The following SPMIP2 variants were observed in gnomAD, a reference collection of about 807,000 sequenced individuals.
SPMIP2 encodes protein SPMIP2.
chr4:158,899,787 C>A, the SPMIP2 span, among the ~76,000 whole-genome samples: 3 of 151,866 alleles, frequency 2.0e-5, no homozygotes, highest in African/African-American at 4.8e-5. Context: ...TTGATCTTTT[C>A]AAAAAACCAG....
At chr4:159,050,932 C>T in the SPMIP2 span, among the ~76,000 whole-genome samples, 1 of 151,936 alleles carries the variant, frequency 6.6e-6, no homozygotes, top group East Asian at 1.9e-4. Context: ...CATGGTGAAA[C>T]CCCATCTCTA....
At chr4:158,934,963 G>C in the SPMIP2 span, among the ~76,000 whole-genome samples, 8 of 151,992 alleles carry the variant, frequency 5.3e-5, no homozygotes, top group Non-Finnish European at 1.0e-4. Flanking sequence ...TTATATATCA[G>C]GTATTCTTTC....
the SPMIP2 span, among the ~76,000 whole-genome samples, chr4:159,078,565 A>G: frequency 6.6e-6 from 1 of 152,200 alleles, no homozygotes; most frequent in East Asian, 1.9e-4. Context: ...TAGGCTGAAT[A>G]AATTTGAGAG....
the SPMIP2 span, among the ~76,000 whole-genome samples, chr4:158,992,640 G>A: frequency 2.6e-5 from 4 of 152,208 alleles, no homozygotes; most frequent in Admixed American, 1.3e-4. Context: ...ATACAGTTAT[G>A]AAGGCTGGGA....
At chr4:159,013,118 AC>A in the SPMIP2 span, among the ~76,000 whole-genome samples, 3 of 152,174 alleles carry the variant, frequency 2.0e-5, no homozygotes, top group Admixed American at 2.0e-4. Context: ...TGAAATGGGA[AC>A]CCTGTATGTT....
At chr4:158,997,905 C>A in the SPMIP2 span, among the ~76,000 whole-genome samples, 1 of 152,184 alleles carries the variant, frequency 6.6e-6, no homozygotes, top group Non-Finnish European at 1.5e-5. Context: ...GATCCTCCCA[C>A]ATCGGCCTCC....
the SPMIP2 span, among the ~76,000 whole-genome samples, chr4:158,993,989 C>T: frequency 5.3e-5 from 8 of 152,168 alleles, no homozygotes; most frequent in East Asian, 1.9e-4. Context: ...ATTGTTAAAC[C>T]GAACACTATG....
the SPMIP2 span, among the ~76,000 whole-genome samples, chr4:159,043,471 C>G: frequency 5.3e-5 from 8 of 152,170 alleles, no homozygotes; most frequent in Non-Finnish European, 8.8e-5. Context: ...CCTCAGCCTC[C>G]CGAGTAGCTG....
the SPMIP2 span, among the ~76,000 whole-genome samples, chr4:159,002,085 CT>C: frequency 4.0e-5 from 6 of 151,402 alleles, no homozygotes; most frequent in Admixed American, 1.3e-4. Flanking sequence ...TGATATTGAG[CT>C]TTTTTTTTCA....
chr4:159,082,332 CAAATAAAT>C, the SPMIP2 span, among the ~76,000 whole-genome samples: 1 of 150,802 alleles, frequency 6.6e-6, no homozygotes, highest in Non-Finnish European at 1.5e-5. Context: ...GATTCCATCT[CAAATAAAT>C]AAATAAATAA....
the SPMIP2 span, among the ~76,000 whole-genome samples, chr4:159,025,012 T>C: frequency 6.6e-6 from 1 of 152,180 alleles, no homozygotes; most frequent in South Asian, 2.1e-4. Flanking sequence ...TTATGGCCAT[T>C]TTACAGATGG....
At chr4:159,042,584 C>A in the SPMIP2 span, among the ~76,000 whole-genome samples, 2 of 152,224 alleles carry the variant, frequency 1.3e-5, no homozygotes, top group Non-Finnish European at 2.9e-5. Flanking sequence ...CAAAACAACA[C>A]AATTTTGGGT....
chr4:159,066,615 ATATAT>A, the SPMIP2 span, among the ~76,000 whole-genome samples: 6 of 68,746 alleles, frequency 8.7e-5, no homozygotes, highest in African/African-American at 3.1e-4. Context: ...ATATATATAT[ATATAT>A]AGTATTAAAG....
At chr4:159,041,087 G>C in the SPMIP2 span, among the ~76,000 whole-genome samples, 1 of 152,098 alleles carries the variant, frequency 6.6e-6, no homozygotes, top group Non-Finnish European at 1.5e-5. Flanking sequence ...TTTAAACAGC[G>C]ACCATCATAA....
chr4:159,057,632 C>A, the SPMIP2 span, among the ~76,000 whole-genome samples: 2 of 151,866 alleles, frequency 1.3e-5, no homozygotes, highest in African/African-American at 4.8e-5. Flanking sequence ...AAATGTGTGA[C>A]CAAATATGTT....
chr4:159,065,863 C>T, the SPMIP2 span, among the ~76,000 whole-genome samples: 1 of 152,116 alleles, frequency 6.6e-6, no homozygotes, highest in South Asian at 2.1e-4. Flanking sequence ...CTATTATCCC[C>T]ATTTTATAGA....
the SPMIP2 span, among the ~76,000 whole-genome samples, chr4:159,065,035 G>A: frequency 6.6e-6 from 1 of 152,150 alleles, no homozygotes; most frequent in Non-Finnish European, 1.5e-5. Context: ...AATGGTGACG[G>A]GGAAGATGCA....
chr4:159,025,285 C>A, the SPMIP2 span, among the ~76,000 whole-genome samples: 2 of 152,204 alleles, frequency 1.3e-5, no homozygotes, highest in Non-Finnish European at 2.9e-5. Context: ...CTGCTTCAGC[C>A]TTCCAAGTAG....
At chr4:158,933,404 G>A in the SPMIP2 span, among the ~76,000 whole-genome samples, 1 of 152,148 alleles carries the variant, frequency 6.6e-6, no homozygotes, top group East Asian at 1.9e-4. Context: ...TTTCCAAACT[G>A]TATCATTGTG....
Sources: allele counts gnomAD v4.1 joint callset (sites outside exome capture counted in the v4.1 genomes callset), GRCh38; gene constraint gnomAD v4.1.1; transcripts MANE v1.5; gene names NCBI Gene and HGNC (gene_info 2026-07-23, HGNC 2026-07-21).